The following TTC39C variants were observed in gnomAD, a reference collection of about 807,000 sequenced individuals.
TTC39C encodes tetratricopeptide repeat domain 39C.
A neutral mutation model predicts 76.3 loss-of-function variants in TTC39C; 33 were observed. That is an observed-to-expected ratio of 0.43 (90% CI 0.33 to 0.58). The LOEUF is 0.58. Among genes scored for constraint, TTC39C ranks in the 20% least tolerant of loss-of-function variants. The pLI, the probability that TTC39C is intolerant of heterozygous loss-of-function variation, is 0.04. For missense variants in TTC39C, 595 were observed against 701.4 expected (o/e 0.85, Z 1.71); for synonymous variants, 254 against 260.6 (o/e 0.97, Z 0.24).
chr18:24,019,080 G>C (rs201978789), intron 1 of TTC39C, among the ~76,000 whole-genome samples: 1 of 152,082 alleles, frequency 6.6e-6, no homozygotes, highest in African/African-American at 2.4e-5. Context: ...TTTATGGCTT[G>C]ACATATTACT....
chr18:24,040,434 C>T (rs183949462), intron 1 of TTC39C, among the ~76,000 whole-genome samples: 6 of 152,268 alleles, frequency 3.9e-5, no homozygotes, highest in African/African-American at 4.8e-5. Flanking sequence ...CTAACCCTAA[C>T]GTAACTTTTA....
At chr18:23,996,376 T>A (rs2083261535) in intron 1 of TTC39C, among the ~76,000 whole-genome samples, 1 of 152,220 alleles carries the variant, frequency 6.6e-6, no homozygotes, top group Admixed American at 6.5e-5. Flanking sequence ...ATAGGTACAC[T>A]CTAAATGTAA....
At chr18:24,071,527 T>A (rs896962320) in intron 4 of TTC39C, among the ~76,000 whole-genome samples, 1 of 152,258 alleles carries the variant, frequency 6.6e-6, no homozygotes, top group African/African-American at 2.4e-5. Context: ...TTTATATTTC[T>A]CTAATTTTTT....
chr18:24,080,752 G>A lies in TTC39C; in HGVS notation c.628G>A (p.Glu210Lys), dbSNP rs767773201. The change falls in exon 5 of 14, where the codon GAG (glutamate) becomes AAG (lysine). Residue 210 changes from glutamate (E) to lysine (K), a missense_variant. Transcript: ENST00000317571. The stretch of plus-strand genomic sequence containing the variant: ...CATTGTGGCTGAAGGGGTGTCTGAG[G>A]AGTCTCTGAACAGACTGAAAGGTGC... Reference protein sequence around the residue: ...NHIVAEGVSEESLNRLKGAVS... With the variant: ...NHIVAEGVSEKSLNRLKGAVS... The A allele has an allele frequency of 5.6e-6, 9 of 1,614,008 alleles. No individual in the cohort carries two copies. The East Asian group carries it at 1.6e-4, about 28-fold the overall frequency.
chr18:24,126,287 G>A (rs2085050492), intron 10 of TTC39C, among the ~76,000 whole-genome samples: 1 of 152,104 alleles, frequency 6.6e-6, no homozygotes, highest in East Asian at 1.9e-4. Flanking sequence ...TAATATTCCA[G>A]AAATAGTTTA....
In TTC39C at chr18:24,131,940, C is replaced by T. The variant is rs201412980; in HGVS notation, c.1662+20C>T. The T allele has an allele frequency of 1.2e-6, 2 of 1,611,760 alleles. No individual in the cohort carries two copies. Among genetic ancestry groups the T allele is most frequent in the East Asian group, 2.2e-5 (1 of 44,778 alleles). ...GCAAAGGTAAATATCCTGAATCTAC[C>T]TTTCTCCAGTGGCCCTTCTTATCCC... On this transcript the variant is annotated intron_variant, in intron 13 of 13. Transcript: ENST00000317571.
At chr18:24,096,220 G>T (rs540445890) in intron 6 of TTC39C, among the ~76,000 whole-genome samples, 2 of 152,278 alleles carry the variant, frequency 1.3e-5, no homozygotes, top group South Asian at 2.1e-4. Flanking sequence ...TCATGGCAGG[G>T]TTGCCACACA....
At chr18:24,062,917 T>A (rs150441881) in intron 1 of TTC39C, among the ~76,000 whole-genome samples, 129 of 152,368 alleles carry the variant, frequency 8.5e-4, no homozygotes, top group African/African-American at 3.0e-3. Context: ...GGCATATGTG[T>A]GTGTATACAC....
intron 6 of TTC39C, among the ~76,000 whole-genome samples, chr18:24,109,329 A>G (rs538987625): frequency 1.3e-5 from 2 of 152,152 alleles, no homozygotes; most frequent in Admixed American, 6.6e-5. Context: ...ACCCTGTTTC[A>G]AATAATAATA....
intron 1 of TTC39C, among the ~76,000 whole-genome samples, chr18:24,038,773 G>A (rs560974457): frequency 6.6e-6 from 1 of 152,096 alleles, no homozygotes; most frequent in African/African-American, 2.4e-5. Flanking sequence ...TCTGGTGAGG[G>A]CTGTCTCTCT....
rs562470339 is a variant in TTC39C, at chr18:24,133,328, C to T, written c.*754C>T. On this transcript the variant is annotated 3_prime_UTR_variant, in exon 14 of 14. Transcript: ENST00000317571. ...AGATTGTCTACAGAATGTTTCAAAG[C>T]GATGGACACTCTTTTTCCTTTGAAA... 3.3e-5 allele frequency: 5 copies of T among 152,232 alleles called. No homozygotes were observed. The highest frequency in any genetic ancestry group is 3.4e-3 in the Middle Eastern group (1 of 294). 9.4% of individuals were successfully genotyped at this position (152,232 alleles called of 1,614,324 possible). A position where few individuals can be genotyped will look rare whatever the true frequency, so the allele number is the denominator to read the frequency against.
intron 6 of TTC39C, among the ~76,000 whole-genome samples, chr18:24,083,730 C>A (rs2084406232): frequency 6.8e-6 from 1 of 147,782 alleles, no homozygotes; most frequent in Admixed American, 7.0e-5. Context: ...ACTCCAGAAC[C>A]AGAAATGCGC....
At chr18:24,132,070 T>G (rs568715058) in intron 13 of TTC39C, 150 bp downstream of exon 13, 3 of 674,208 alleles carry the variant, frequency 4.4e-6, no homozygotes, top group Admixed American at 3.5e-5. Flanking sequence ...ATCAGTGAGC[T>G]CTTGAGTTTT....
At chr18:24,020,014 A>T in intron 1 of TTC39C, 1 of 1,425,716 alleles carries the variant, frequency 7.0e-7, no homozygotes, top group Non-Finnish European at 9.1e-7. Context: ...CAGGCTGTCC[A>T]TGATTTCTAG....
intron 6 of TTC39C, among the ~76,000 whole-genome samples, chr18:24,101,718 T>C (rs928853500): frequency 6.6e-6 from 1 of 152,234 alleles, no homozygotes; most frequent in Non-Finnish European, 1.5e-5. Flanking sequence ...CTCGGCTTTC[T>C]AGGTTTATCT....
chr18:24,066,274 GT>G (rs1449554285), intron 3 of TTC39C, 134 bp downstream of exon 3: 4 of 1,211,724 alleles, frequency 3.3e-6, no homozygotes, highest in African/African-American at 1.6e-5. Flanking sequence ...GTTTCTTATG[GT>G]TTTTGGTTAT....
At chr18:24,019,897 C>T (rs755709598) in intron 1 of TTC39C, 92 of 1,526,600 alleles carry the variant, frequency 6.0e-5, no homozygotes, top group Non-Finnish European at 7.8e-5. Flanking sequence ...CTCAGCGCTT[C>T]CTGGAGAAAC....
intron 1 of TTC39C, among the ~76,000 whole-genome samples, chr18:23,996,842 G>A (rs2083264931): frequency 6.6e-6 from 1 of 152,216 alleles, no homozygotes; most frequent in African/African-American, 2.4e-5. Context: ...GGGCACAGTG[G>A]CTCACGCCTG....
At chr18:24,081,447 G>T (rs945472349) in intron 5 of TTC39C, among the ~76,000 whole-genome samples, 2 of 152,122 alleles carry the variant, frequency 1.3e-5, no homozygotes, top group South Asian at 2.1e-4. Flanking sequence ...AATTATTTAA[G>T]CAGGAGAGCA....
Sources: gnomAD v4.1 joint callset for allele counts (sites outside exome capture counted in the v4.1 genomes callset) on GRCh38, gnomAD v4.1.1 for gene constraint, MANE v1.5 for transcripts, NCBI Gene and HGNC (gene_info 2026-07-23, HGNC 2026-07-21) for gene names.